Variants in SHROOM3 observed in about 807,000 individuals in gnomAD.
The protein encoded by SHROOM3 is shroom family member 3.
SHROOM3 carries 47 observed loss-of-function variants against 138.6 expected under a neutral mutation model. The ratio of observed to expected loss-of-function variants is 0.34; its 90% CI spans 0.27 to 0.43. The LOEUF (loss-of-function observed/expected upper bound fraction) is 0.43, where lower values mean the gene tolerates loss of function less well. Ranked by LOEUF, SHROOM3 falls within the 20% of genes least tolerant of loss-of-function variation. The pLI is 1.00. For missense variants in SHROOM3, 2,491 were observed against 2,596.5 expected, an observed-to-expected ratio of 0.96 and a Z score of 0.88; for synonymous variants, 1,062 against 1,063.3, an observed-to-expected ratio of 1.00 and a Z score of 0.02.
At position 76,568,604 on chromosome 4, in the gene SHROOM3, T is replaced by C. The variant is rs189900481; in HGVS notation, c.323+12841T>C. ...TGCCTTAATGCCCCTGTGTATCTTC[T>C]TAGTAAGGTAGCCTGTCCCCAGCCC... On this transcript the variant is annotated intron_variant, in intron 2 of 10. Transcript: ENST00000296043. Among the ~76,000 whole-genome samples, 94 of 152,302 alleles carry C rather than the reference T, an allele frequency of 6.2e-4. 2 individuals are homozygous for C. In the East Asian group the frequency reaches 0.014, roughly 23 times the overall value.
chr4:76,771,544 C>G (rs1455435318), intron 10 of SHROOM3, among the ~76,000 whole-genome samples: 1 of 152,084 alleles, frequency 6.6e-6, no homozygotes, highest in African/African-American at 2.4e-5. Flanking sequence ...GGAACATAGG[C>G]TTAAGGCTCC....
Position 76,741,183 on chromosome 4 carries a change from C to T in SHROOM3, c.3010C>T (p.Arg1004Trp). 1.3e-6 allele frequency: 2 copies of T among 1,593,508 alleles called. No individual in the cohort carries two copies. Among genetic ancestry groups the T allele is most frequent in the Non-Finnish European group, 1.7e-6 (2 of 1,171,106 alleles). ...GGCCAGGCCCGTGCCCCCTGCCGCC[C>T]GGAGAGGTGCTCGCCGGCGCCTGAC... ...DLARPVPPAA[R>W]RGARRRLTPE... The change falls in exon 5 of 11, where the codon CGG (arginine) becomes TGG (tryptophan). Residue 1004 changes from arginine to tryptophan, a missense_variant. Coordinates refer to ENST00000296043, the MANE Select transcript of SHROOM3 (RefSeq NM_020859.4). The surrounding 1 kb of genome is among the most constrained non-coding windows in gnomAD (Gnocchi z 6.2).
At chr4:76,712,609 C>T (rs1720259429) in intron 3 of SHROOM3, among the ~76,000 whole-genome samples, 1 of 152,178 alleles carries the variant, frequency 6.6e-6, no homozygotes, top group African/African-American at 2.4e-5. Context: ...GTATGGAGAA[C>T]ATAAGCGACA....
chr4:76,716,465 C>T lies in SHROOM3; in HGVS notation c.455+6178C>T, dbSNP rs139981545. 269 of 517,308 alleles carry T rather than the reference C, an allele frequency of 5.2e-4. 3 individuals carry two copies. The Middle Eastern group carries it at 6.0e-3, about 12-fold the overall frequency. The allele number at this position is 517,308 out of a possible 1,614,324, so 32.0% of individuals were successfully genotyped here. A position where few individuals can be genotyped will look rare whatever the true frequency, so the allele number is the denominator to read the frequency against. On this transcript the variant is annotated intron_variant, in intron 3 of 10. Transcript: ENST00000296043. ...TCAGAATCTTTCATTGCAGGATCCT[C>T]CAATGACAAGCCTTTAACAGCTGTC... is the stretch of plus-strand genomic sequence containing the variant.
chr4:76,472,331 A>G (rs954164253), intron 1 of SHROOM3, among the ~76,000 whole-genome samples: 2 of 152,222 alleles, frequency 1.3e-5, no homozygotes, highest in East Asian at 3.9e-4. Context: ...TTCTTTATTA[A>G]TTCAATGATA....
rs749197361 is a variant in SHROOM3, at chr4:76,770,715, C to T, written c.5439C>T (p.Ala1813=). The T allele has an allele frequency of 1.2e-6, 2 of 1,614,154 alleles. No individual in the cohort carries two copies. Among genetic ancestry groups the T allele is most frequent in the South Asian group, 2.2e-5 (2 of 91,074 alleles). ...SLLTDIKLNN[A]LGEEVEALIS... ...TCACGGACATCAAGCTCAACAACGCCCTGGGAGAAGAGGTGGAGGCTCTGA... is the reference window on the plus strand; with the variant it reads ...TCACGGACATCAAGCTCAACAACGCTCTGGGAGAAGAGGTGGAGGCTCTGA... Residue 1813 remains alanine (A), a synonymous_variant, in exon 10 of 11, where the codon GCC becomes GCT. Coordinates refer to ENST00000296043, the MANE Select transcript of SHROOM3 (RefSeq NM_020859.4).
At chr4:76,454,964 T>C (rs769404739) in intron 1 of SHROOM3, among the ~76,000 whole-genome samples, 1 of 152,182 alleles carries the variant, frequency 6.6e-6, no homozygotes, top group Non-Finnish European at 1.5e-5. Context: ...ATTGTTAGTG[T>C]ATAGAAATGC....
At chr4:76,527,318 C>A (rs1732712266) in intron 1 of SHROOM3, among the ~76,000 whole-genome samples, 2 of 152,224 alleles carry the variant, frequency 1.3e-5, no homozygotes, top group Admixed American at 6.5e-5. Context: ...CGCGGTGGCT[C>A]ATGCCTGTAA....
chr4:76,744,687 G>T (rs1721373082), intron 5 of SHROOM3, among the ~76,000 whole-genome samples: 1 of 152,180 alleles, frequency 6.6e-6, no homozygotes, highest in Non-Finnish European at 1.5e-5. Flanking sequence ...AGAGAATTCT[G>T]ACAAGTTAAG....
At chr4:76,598,144 A>C (rs1414900740) in intron 2 of SHROOM3, among the ~76,000 whole-genome samples, 1 of 150,294 alleles carries the variant, frequency 6.7e-6, no homozygotes, top group Admixed American at 6.7e-5. Context: ...CTCCTGCCTT[A>C]GCCTACCGAG....
chr4:76,774,709 G>T (rs7668676), intron 10 of SHROOM3, among the ~76,000 whole-genome samples: 32,677 of 138,700 alleles, frequency 0.24, 3,814 homozygotes, highest in African/African-American at 0.29. Context: ...GTTTTTTGGG[G>T]TTTTTTTTTT....
At position 76,756,803 on chromosome 4, in the gene SHROOM3, A is replaced by G. The variant is rs200240031; in HGVS notation, c.5064A>G (p.Pro1688=). Residue 1688 remains proline, a synonymous_variant, in exon 8 of 11, where the codon CCA becomes CCG. Coordinates refer to ENST00000296043, the MANE Select transcript of SHROOM3 (RefSeq NM_020859.4). The part of the protein sequence containing the change: ...QDKSLADILD[P]DSRLKTTMDL... ...AATCTCTAGCAGACATTTTGGATCC[A>G]GACTCCAGGCTGAAGACAACAATGG... 2.7e-5 allele frequency: 44 copies of G among 1,614,108 alleles called. No homozygotes were observed. The highest frequency in any genetic ancestry group is 3.5e-5 in the Non-Finnish European group (41 of 1,180,050).
intron 2 of SHROOM3, among the ~76,000 whole-genome samples, chr4:76,570,074 A>G (rs1178898834): frequency 6.6e-6 from 1 of 152,110 alleles, no homozygotes; most frequent in African/African-American, 2.4e-5. Context: ...TCTACTTCAA[A>G]TAAAGTTTGG....
At chr4:76,605,990 CATAT>C (rs751028363) in intron 2 of SHROOM3, among the ~76,000 whole-genome samples, 1 of 84,714 alleles carries the variant, frequency 1.2e-5, no homozygotes, top group Non-Finnish European at 2.0e-5. Context: ...CACACACACA[CATAT>C]ATATATATAT....
intron 1 of SHROOM3, among the ~76,000 whole-genome samples, chr4:76,492,494 A>C (rs998864885): frequency 7.9e-5 from 12 of 152,206 alleles, no homozygotes; most frequent in Non-Finnish European, 1.6e-4. Context: ...TTTTAAGTTT[A>C]CAAAATTATT....
intron 1 of SHROOM3, among the ~76,000 whole-genome samples, chr4:76,446,625 G>T (rs1478157563): frequency 6.6e-6 from 1 of 152,088 alleles, no homozygotes; most frequent in Non-Finnish European, 1.5e-5. Context: ...AATACTAGAC[G>T]AACATTAGAT....
chr4:76,529,940 A>AT (rs1242542649), intron 1 of SHROOM3, among the ~76,000 whole-genome samples: 28 of 152,098 alleles, frequency 1.8e-4, no homozygotes, highest in African/African-American at 2.4e-4. Context: ...ATTTGGAGTG[A>AT]TTTTCTCAGC....
At chr4:76,629,379 G>A (rs1400377877) in intron 2 of SHROOM3, among the ~76,000 whole-genome samples, 1 of 152,226 alleles carries the variant, frequency 6.6e-6, no homozygotes, top group Non-Finnish European at 1.5e-5. Flanking sequence ...ACGGGTATGT[G>A]GGGAGGAGTG....
intron 2 of SHROOM3, among the ~76,000 whole-genome samples, chr4:76,619,184 T>G (rs61342109): frequency 0.2 from 30,781 of 152,166 alleles, 3,956 homozygotes; most frequent in African/African-American, 0.35. Flanking sequence ...ACATGTGCCA[T>G]CCTTTCTTTA....
Sources: allele counts gnomAD v4.1 joint callset (sites outside exome capture counted in the v4.1 genomes callset), GRCh38; gene constraint gnomAD v4.1.1; non-coding constraint Gnocchi (gnomAD v3.1); transcripts MANE v1.5; gene names NCBI Gene and HGNC (gene_info 2026-07-23, HGNC 2026-07-21).